The following KCNQ5 variants were observed in gnomAD, a reference collection of about 807,000 sequenced individuals.
KCNQ5 encodes the protein potassium voltage-gated channel subfamily KQT member 5.
Under a neutral mutation model 98.2 loss-of-function variants are expected in KCNQ5, and 30 were observed. The ratio of observed to expected loss-of-function variants is 0.31; its 90% CI spans 0.23 to 0.41. The LOEUF is 0.41. Among genes scored for constraint, KCNQ5 ranks in the 10% least tolerant of loss-of-function variants. KCNQ5 has a pLI of 1.00. For missense variants in KCNQ5, 835 were observed against 1,182.5 expected, an observed-to-expected ratio of 0.71 and a Z score of 4.31; for synonymous variants, 458 against 449.4, an observed-to-expected ratio of 1.02 and a Z score of -0.24.
intron 5 of KCNQ5, among the ~76,000 whole-genome samples, chr6:73,080,350 A>G (rs1030401081): frequency 6.6e-6 from 1 of 152,174 alleles, no homozygotes; most frequent in African/African-American, 2.4e-5. Flanking sequence ...TAAAAATTTT[A>G]TAAGAGATCA....
intron 1 of KCNQ5, among the ~76,000 whole-genome samples, chr6:72,854,270 A>T (rs1344254877): frequency 6.6e-6 from 1 of 151,866 alleles, no homozygotes; most frequent in African/African-American, 2.4e-5. Context: ...ATATAAATAA[A>T]TTTTTTTTTA....
intron 1 of KCNQ5, among the ~76,000 whole-genome samples, chr6:72,966,991 T>C (rs1042652105): frequency 2.0e-5 from 3 of 152,218 alleles, no homozygotes; most frequent in Non-Finnish European, 2.9e-5. Context: ...GAGGAAGATA[T>C]AGAAGGACAG....
At chr6:72,926,831 G>A (rs1423758286) in intron 1 of KCNQ5, among the ~76,000 whole-genome samples, 1 of 152,040 alleles carries the variant, frequency 6.6e-6, no homozygotes, top group Non-Finnish European at 1.5e-5. Flanking sequence ...AGAAATAGAT[G>A]GACCTACTGT....
intron 1 of KCNQ5, among the ~76,000 whole-genome samples, chr6:72,999,929 T>G (rs902783905): frequency 3.3e-5 from 5 of 152,188 alleles, no homozygotes; most frequent in Non-Finnish European, 7.3e-5. Context: ...AATACCATCA[T>G]GATCTATTGC....
chr6:72,959,986 C>G (rs1767257619), intron 1 of KCNQ5, among the ~76,000 whole-genome samples: 1 of 152,090 alleles, frequency 6.6e-6, no homozygotes, highest in African/African-American at 2.4e-5. Flanking sequence ...GAAAACATGC[C>G]AAGCTGTAGG....
At chr6:72,870,963 C>A (rs1778178820) in intron 1 of KCNQ5, among the ~76,000 whole-genome samples, 1 of 152,070 alleles carries the variant, frequency 6.6e-6, no homozygotes. Flanking sequence ...ATGTTTTAAC[C>A]ATTTGGGACT....
chr6:72,909,731 TAG>T, intron 1 of KCNQ5, among the ~76,000 whole-genome samples: 1 of 152,316 alleles, frequency 6.6e-6, no homozygotes, highest in Non-Finnish European at 1.5e-5. Context: ...CTTCCTAATA[TAG>T]AAGACAGAAT....
chr6:72,647,995 A>T (rs1765683410), intron 1 of KCNQ5, among the ~76,000 whole-genome samples: 1 of 152,158 alleles, frequency 6.6e-6, no homozygotes, highest in African/African-American at 2.4e-5. Context: ...GATGGATTAG[A>T]ACATGTATGT....
chr6:73,073,250 G>A (rs1463080753), intron 3 of KCNQ5, among the ~76,000 whole-genome samples: 1 of 152,122 alleles, frequency 6.6e-6, no homozygotes, highest in Admixed American at 6.6e-5. Context: ...ACCACTATGA[G>A]CCTCAATTTC....
chr6:73,001,987 G>C (rs373351451), intron 1 of KCNQ5, among the ~76,000 whole-genome samples: 5 of 88,176 alleles, frequency 5.7e-5, no homozygotes, highest in East Asian at 7.0e-4. Context: ...AGCCAGGCCT[G>C]CTGGCCTGCG....
At chr6:73,131,824 A>G (rs1253609153) in intron 9 of KCNQ5, among the ~76,000 whole-genome samples, 2 of 152,010 alleles carry the variant, frequency 1.3e-5, no homozygotes, top group Non-Finnish European at 2.9e-5. Flanking sequence ...GTTGTAAAGA[A>G]CTCTTGAACC....
At chr6:72,801,537 G>T (rs1168581937) in intron 1 of KCNQ5, among the ~76,000 whole-genome samples, 12 of 135,022 alleles carry the variant, frequency 8.9e-5, no homozygotes, top group Admixed American at 3.8e-4. Flanking sequence ...CGTGAGATGG[G>T]TTTCCTGAAT....
chr6:72,847,523 G>C (rs983869054), intron 1 of KCNQ5, among the ~76,000 whole-genome samples: 1 of 144,884 alleles, frequency 6.9e-6, no homozygotes, highest in African/African-American at 2.8e-5. Context: ...AGAAGTGGAA[G>C]AGTAAAGGAT....
At chr6:72,761,448 CT>C (rs907403339) in intron 1 of KCNQ5, among the ~76,000 whole-genome samples, 4 of 151,576 alleles carry the variant, frequency 2.6e-5, no homozygotes, top group Admixed American at 6.6e-5. Context: ...TGATTTTATT[CT>C]TTTTCTTCTT....
intron 3 of KCNQ5, among the ~76,000 whole-genome samples, chr6:73,063,675 A>AGAT (rs1554203594): frequency 2.4e-5 from 2 of 81,658 alleles, no homozygotes; most frequent in African/African-American, 7.6e-5. Flanking sequence ...GATGATAGAT[A>AGAT]GATAGATAGA....
At chr6:72,704,979 ATGATTC>A (rs545451761) in intron 1 of KCNQ5, among the ~76,000 whole-genome samples, 101 of 152,316 alleles carry the variant, frequency 6.6e-4, no homozygotes, top group Middle Eastern at 6.8e-3. Context: ...TATTTCTAAT[ATGATTC>A]TTTCATGGTG....
At chr6:72,868,931 C>A (rs2211390) in intron 1 of KCNQ5, among the ~76,000 whole-genome samples, 59,821 of 151,920 alleles carry the variant, frequency 0.39, 12,523 homozygotes, top group South Asian at 0.5. Context: ...TTTCACAGCA[C>A]AACAGAACAA....
At chr6:73,040,962 A>G (rs1771659998) in intron 2 of KCNQ5, among the ~76,000 whole-genome samples, 1 of 152,210 alleles carries the variant, frequency 6.6e-6, no homozygotes, top group African/African-American at 2.4e-5. Context: ...AAGACAATAT[A>G]TTACTTTTAC....
At chr6:72,650,180 T>C (rs1311561824) in intron 1 of KCNQ5, among the ~76,000 whole-genome samples, 2 of 152,158 alleles carry the variant, frequency 1.3e-5, no homozygotes, top group Admixed American at 1.3e-4. Context: ...CTGTATTAGG[T>C]CATTCAACTA....
Sources: gnomAD v4.1 joint callset for allele counts (sites outside exome capture counted in the v4.1 genomes callset) on GRCh38, gnomAD v4.1.1 for gene constraint, MANE v1.5 for transcripts, NCBI Gene and HGNC (gene_info 2026-07-23, HGNC 2026-07-21) for gene names.